The following ACER2 variants were observed in gnomAD, a reference collection of about 807,000 sequenced individuals.
ACER2 encodes the protein alkaline ceramidase 2.
In ACER2, 26 loss-of-function variants were observed where a neutral mutation model predicts 34.7. The observed-to-expected ratio is 0.75, with a 90% CI of 0.55 to 1.04. The LOEUF (loss-of-function observed/expected upper bound fraction) is 1.04, where lower values mean the gene tolerates loss of function less well. ACER2 is among the 50% of genes least tolerant of loss of function. The pLI is 0.00. For synonymous variants in ACER2, 138 were observed against 132.1 expected (o/e 1.04, Z -0.31); for missense variants, 352 against 340.8 (o/e 1.03, Z -0.26).
At chr9:19,419,375 T>A (rs768521895) in intron 1 of ACER2, among the ~76,000 whole-genome samples, 1 of 152,176 alleles carries the variant, frequency 6.6e-6, no homozygotes, top group Non-Finnish European at 1.5e-5. Context: ...GTATACCACC[T>A]GGGACGTCTC....
chr9:19,428,298 G>A (rs190896558), intron 3 of ACER2, among the ~76,000 whole-genome samples: 11 of 151,930 alleles, frequency 7.2e-5, no homozygotes, highest in Admixed American at 1.3e-4. Flanking sequence ...CTCCCGAGTC[G>A]CTGGGATTCC....
intron 3 of ACER2, among the ~76,000 whole-genome samples, chr9:19,428,799 T>A (rs1343424627): frequency 7.2e-6 from 1 of 138,378 alleles, no homozygotes; most frequent in East Asian, 2.1e-4. Flanking sequence ...TTTTTTTTTT[T>A]TTTTTTTTGA....
chr9:19,442,864 G>A (rs1257492467), intron 4 of ACER2, among the ~76,000 whole-genome samples: 1 of 149,066 alleles, frequency 6.7e-6, no homozygotes, highest in Non-Finnish European at 1.5e-5. Context: ...ATGGGGTCTC[G>A]CTCTGTCGCC....
intron 3 of ACER2, among the ~76,000 whole-genome samples, chr9:19,426,172 C>G (rs1830551892): frequency 6.6e-6 from 1 of 151,606 alleles, no homozygotes; most frequent in East Asian, 1.9e-4. Context: ...TTGGGCATTG[C>G]CAGCAGAGAG....
At chr9:19,424,604 G>T (rs1454678517) in intron 2 of ACER2, 96 bp from the exon 3 acceptor site, 1 of 1,553,970 alleles carries the variant, frequency 6.4e-7, no homozygotes, top group African/African-American at 1.4e-5. Context: ...TCTGGTGACT[G>T]TGTTAACCAT....
At chr9:19,411,398 T>A (rs12341873) in intron 1 of ACER2, among the ~76,000 whole-genome samples, 22,956 of 151,790 alleles carry the variant, frequency 0.15, 1,802 homozygotes, top group South Asian at 0.26. Context: ...TTTAAAAAAA[T>A]TTTTTTTTGA....
intron 4 of ACER2, among the ~76,000 whole-genome samples, chr9:19,435,999 C>T (rs1291870588): frequency 6.7e-6 from 1 of 149,098 alleles, no homozygotes; most frequent in Non-Finnish European, 1.5e-5. Context: ...CAGTGAGCCG[C>T]GATTGTGCCA....
chr9:19,442,926 G>T (rs1831205609), intron 4 of ACER2, among the ~76,000 whole-genome samples: 1 of 151,802 alleles, frequency 6.6e-6, no homozygotes, highest in East Asian at 1.9e-4. Flanking sequence ...TCCGCCTCCT[G>T]GGTTCAAGCG....
chr9:19,423,526 A>G (rs975604875), intron 1 of ACER2, among the ~76,000 whole-genome samples: 5 of 152,070 alleles, frequency 3.3e-5, no homozygotes, highest in African/African-American at 1.2e-4. Context: ...ACATGGTGAA[A>G]CCTCATCTTA....
intron 4 of ACER2, among the ~76,000 whole-genome samples, chr9:19,439,733 C>T (rs1014838030): frequency 5.9e-5 from 9 of 152,232 alleles, no homozygotes; most frequent in African/African-American, 2.2e-4. Context: ...TTTGGGAGGC[C>T]GAGGAGGGTG....
At chr9:19,409,331 C>A in intron 1 of ACER2, 139 bp downstream of exon 1, 2 of 740,954 alleles carry the variant, frequency 2.7e-6, no homozygotes, top group Non-Finnish European at 4.4e-6. Context: ...GTCCACACCC[C>A]CTCCTCGGCG....
intron 3 of ACER2, among the ~76,000 whole-genome samples, chr9:19,433,717 C>A (rs935064691): frequency 6.6e-6 from 1 of 152,144 alleles, no homozygotes; most frequent in Non-Finnish European, 1.5e-5. Flanking sequence ...CTCCTCACTT[C>A]CCAGTAGGGG....
At chr9:19,443,580 C>A (rs534709579) in intron 4 of ACER2, among the ~76,000 whole-genome samples, 70 of 152,374 alleles carry the variant, frequency 4.6e-4, no homozygotes, top group Non-Finnish European at 6.9e-4. Context: ...CAGTGCCTGG[C>A]ACAGTTGCCA....
At chr9:19,411,339 T>G (rs532540602) in intron 1 of ACER2, among the ~76,000 whole-genome samples, 3 of 151,668 alleles carry the variant, frequency 2.0e-5, no homozygotes, top group Middle Eastern at 3.2e-3. Flanking sequence ...CTTTGTTGAG[T>G]GTAGGTCCAA....
Position 19,451,795 on chromosome 9 carries a change from C to G in ACER2, c.*1159C>G, listed in dbSNP as rs926663013. ...AACATGAAGTTTTTGGAAACGTTTTCTCATTTGAAGCCTCCAGTATGCTGT... is the reference window on the plus strand; with the variant it reads ...AACATGAAGTTTTTGGAAACGTTTTGTCATTTGAAGCCTCCAGTATGCTGT... On this transcript the variant is annotated 3_prime_UTR_variant, in exon 6 of 6. Transcript: ENST00000340967. 4 of 152,182 alleles carry G rather than the reference C, an allele frequency of 2.6e-5. No homozygotes were observed. Among genetic ancestry groups the G allele is most frequent in the African/African-American group, 9.7e-5 (4 of 41,440 alleles). The allele number at this position is 152,182 out of a possible 1,614,324, so 9.4% of individuals were successfully genotyped here. A position where few individuals can be genotyped will look rare whatever the true frequency, so the allele number is the denominator to read the frequency against.
At position 19,448,922 on chromosome 9, in the gene ACER2, C is replaced by T. The variant is rs1235581797; in HGVS notation, c.642-1528C>T. 2.0e-5 allele frequency among the ~76,000 whole-genome samples: 3 copies of T among 152,266 alleles called. No homozygotes were observed. The East Asian group carries it at 5.8e-4, about 29-fold the overall frequency. On this transcript the variant is annotated intron_variant, in intron 5 of 5. Coordinates refer to ENST00000340967, the MANE Select transcript of ACER2 (RefSeq NM_001010887.3). ...TTGGGAGGCCGAGGCAGGTGGATCACCAGGTCAGGAGATCGAGACCATCCT... is the reference window on the plus strand; with the variant it reads ...TTGGGAGGCCGAGGCAGGTGGATCATCAGGTCAGGAGATCGAGACCATCCT...
chr9:19,422,289 A>G (rs1175016177), intron 1 of ACER2, among the ~76,000 whole-genome samples: 1 of 151,410 alleles, frequency 6.6e-6, no homozygotes, highest in African/African-American at 2.4e-5. Context: ...ACAGAGTAAT[A>G]CCCTGTCTCT....
chr9:19,431,534 C>T (rs1830752755), intron 3 of ACER2, among the ~76,000 whole-genome samples: 1 of 152,230 alleles, frequency 6.6e-6, no homozygotes, highest in Non-Finnish European at 1.5e-5. Context: ...TGGCATGCGT[C>T]AAACCCAGTG....
rs761237468 is a variant in ACER2, at chr9:19,423,899, G to T, written c.146G>T (p.Cys49Phe). 1.2e-6 allele frequency: 2 copies of T among 1,613,856 alleles called. No homozygotes were observed. Among genetic ancestry groups the T allele is most frequent in the African/African-American group, 2.7e-5 (2 of 74,858 alleles). The change falls in exon 2 of 6, where the codon TGC (cysteine) becomes TTC (phenylalanine). Residue 49 changes from cysteine (C) to phenylalanine (F), a missense_variant. By Grantham distance (205) the Cys-to-Phe change is radical. Coordinates refer to ENST00000340967, the MANE Select transcript of ACER2 (RefSeq NM_001010887.3). ...NVLFFILPPI[C>F]MCLFRQYATC... is the part of the protein sequence containing the mutation. ...TTATTTTTCATTTTACCGCCCATCT[G>T]CATGTGCTTGTTTCGTCAGTATGCA...
Sources: allele counts gnomAD v4.1 joint callset (sites outside exome capture counted in the v4.1 genomes callset), GRCh38; gene constraint gnomAD v4.1.1; transcripts MANE v1.5; gene names NCBI Gene and HGNC (gene_info 2026-07-23, HGNC 2026-07-21).